GPC5: variants seen among roughly 807,000 people sequenced by gnomAD.
GPC5 encodes glypican-5.
In GPC5, 47 loss-of-function variants were observed where a neutral mutation model predicts 53.9. That is an observed-to-expected ratio of 0.87 (90% CI 0.69 to 1.11). The LOEUF is 1.11. Ranked by LOEUF, GPC5 falls within the 50% of genes most tolerant of loss-of-function variation. The pLI, the probability that GPC5 is intolerant of heterozygous loss-of-function variation, is 0.00. For synonymous variants in GPC5, 286 were observed against 263.3 expected (o/e 1.09, Z -0.84); for missense variants, 748 against 713.1 (o/e 1.05, Z -0.56).
chr13:91,996,871 T>G (rs2040508228), intron 6 of GPC5, among the ~76,000 whole-genome samples: 1 of 152,216 alleles, frequency 6.6e-6, no homozygotes, highest in Non-Finnish European at 1.5e-5. Context: ...TGTTGTAGTA[T>G]GTAGCAATTG....
At chr13:92,287,843 T>A (rs193241915) in intron 7 of GPC5, among the ~76,000 whole-genome samples, 2 of 152,172 alleles carry the variant, frequency 1.3e-5, no homozygotes, top group Non-Finnish European at 2.9e-5. Flanking sequence ...TTTCTTTAAG[T>A]ATTTTTTTCA....
At chr13:91,600,604 T>C (rs900476495) in intron 2 of GPC5, among the ~76,000 whole-genome samples, 1 of 152,012 alleles carries the variant, frequency 6.6e-6, no homozygotes, top group African/African-American at 2.4e-5. Context: ...TTATTTATGT[T>C]ATTTTTATTA....
intron 6 of GPC5, among the ~76,000 whole-genome samples, chr13:92,029,456 A>C (rs966240935): frequency 5.9e-5 from 9 of 152,170 alleles, no homozygotes; most frequent in Admixed American, 5.2e-4. Flanking sequence ...TCAAGCTAGA[A>C]GGGAGAAGCC....
chr13:92,643,032 G>T (rs1234295326), intron 7 of GPC5, among the ~76,000 whole-genome samples: 1 of 152,142 alleles, frequency 6.6e-6, no homozygotes, highest in African/African-American at 2.4e-5. Context: ...CTTTTGAGAA[G>T]TGTCTGTTCA....
intron 7 of GPC5, among the ~76,000 whole-genome samples, chr13:92,617,975 A>G (rs1366966087): frequency 6.6e-6 from 1 of 152,212 alleles, no homozygotes; most frequent in Non-Finnish European, 1.5e-5. Context: ...GCTAAAAGAT[A>G]GCTAAAAGGA....
intron 7 of GPC5, among the ~76,000 whole-genome samples, chr13:92,325,117 C>T (rs1045529881): frequency 3.3e-5 from 5 of 151,568 alleles, no homozygotes; most frequent in African/African-American, 9.7e-5. Context: ...CACACACACA[C>T]ACACACACAC....
chr13:92,738,836 C>T (rs1889011713), intron 7 of GPC5, among the ~76,000 whole-genome samples: 1 of 152,036 alleles, frequency 6.6e-6, no homozygotes, highest in African/African-American at 2.4e-5. Flanking sequence ...CATATCACCC[C>T]CTTGAGAATT....
At chr13:92,546,846 C>G (rs968349104) in intron 7 of GPC5, among the ~76,000 whole-genome samples, 8 of 152,002 alleles carry the variant, frequency 5.3e-5, no homozygotes, top group Admixed American at 3.9e-4. Flanking sequence ...CAGAACAGAG[C>G]CCTCAGAAAT....
intron 7 of GPC5, among the ~76,000 whole-genome samples, chr13:92,592,363 A>G (rs551330155): frequency 1.3e-5 from 2 of 151,712 alleles, no homozygotes; most frequent in East Asian, 3.9e-4. Context: ...TCAAAGAAAG[A>G]AAGTGTTTCA....
intron 2 of GPC5, among the ~76,000 whole-genome samples, chr13:91,642,713 CTT>C (rs71113755): frequency 1.4e-5 from 2 of 143,240 alleles, no homozygotes; most frequent in Admixed American, 7.0e-5. Context: ...TAAGGAAGAG[CTT>C]TTTTTTTTTT....
chr13:92,062,706 A>C (rs927797112), intron 6 of GPC5, among the ~76,000 whole-genome samples: 1 of 152,038 alleles, frequency 6.6e-6, no homozygotes, highest in Non-Finnish European at 1.5e-5. Flanking sequence ...ATCTAGGTGC[A>C]TATTAATGTT....
chr13:92,063,622 A>G (rs1028177724), intron 6 of GPC5, among the ~76,000 whole-genome samples: 1 of 152,178 alleles, frequency 6.6e-6, no homozygotes, highest in African/African-American at 2.4e-5. Context: ...TTTAAAATAA[A>G]TAAATAAATA....
intron 7 of GPC5, among the ~76,000 whole-genome samples, chr13:92,455,930 C>A (rs1238443207): frequency 6.6e-6 from 1 of 152,058 alleles, no homozygotes; most frequent in Non-Finnish European, 1.5e-5. Context: ...CTTTTGGGTT[C>A]TTTTATTAAA....
intron 7 of GPC5, among the ~76,000 whole-genome samples, chr13:92,584,079 G>A (rs1883458299): frequency 1.3e-5 from 2 of 152,132 alleles, no homozygotes; most frequent in African/African-American, 2.4e-5. Flanking sequence ...CGTGAAAAGG[G>A]ACTAATACAG....
chr13:91,500,998 C>T (rs1288144487), intron 2 of GPC5, among the ~76,000 whole-genome samples: 4 of 152,044 alleles, frequency 2.6e-5, no homozygotes, highest in East Asian at 1.9e-4. Flanking sequence ...CACCTTCTGC[C>T]GTGATTGGGA....
At chr13:92,199,642 A>C (rs1489134527) in intron 7 of GPC5, among the ~76,000 whole-genome samples, 1 of 152,002 alleles carries the variant, frequency 6.6e-6, no homozygotes, top group East Asian at 1.9e-4. Flanking sequence ...TTATAGGCAA[A>C]TATTAAAGGC....
chr13:92,421,698 C>CAAAAAAAAAAAA lies in GPC5; in HGVS notation c.1561+276720_1561+276731dup, dbSNP rs34055682. On this transcript the variant is annotated intron_variant, in intron 7 of 7. Coordinates refer to ENST00000377067, the MANE Select transcript of GPC5 (RefSeq NM_004466.6). ...TGTGCCACAGAGCAAGACTCCGTCT[C>CAAAAAAAAAAAA]AAAAAAAAAAAAAAAAAAAAAAGTT... 1.6e-4 allele frequency among the ~76,000 whole-genome samples: 11 copies of CAAAAAAAAAAAA among 69,486 alleles called. 1 individual carries two copies. Among genetic ancestry groups the CAAAAAAAAAAAA allele is most frequent in the African/African-American group, 6.3e-4 (10 of 15,992 alleles). 45.6% of individuals were successfully genotyped at this position (69,486 alleles called of 152,430 possible).
chr13:92,311,097 T>A (rs146899234), intron 7 of GPC5, among the ~76,000 whole-genome samples: 1 of 152,104 alleles, frequency 6.6e-6, no homozygotes, highest in Non-Finnish European at 1.5e-5. Flanking sequence ...ATATCTTTTA[T>A]GGAAAAACAA....
intron 7 of GPC5, among the ~76,000 whole-genome samples, chr13:92,754,776 C>G (rs1874781408): frequency 6.6e-6 from 1 of 151,032 alleles, no homozygotes; most frequent in Non-Finnish European, 1.5e-5. Context: ...ACAAGAAGAG[C>G]TAACTATCCT....
Sources: allele counts gnomAD v4.1 joint callset (sites outside exome capture counted in the v4.1 genomes callset), GRCh38; gene constraint gnomAD v4.1.1; transcripts MANE v1.5; gene names NCBI Gene and HGNC (gene_info 2026-07-23, HGNC 2026-07-21).